Variants in DLG2 observed in about 807,000 individuals in gnomAD.
The protein encoded by DLG2 is discs large MAGUK scaffold protein 2.
In DLG2, 45 loss-of-function variants were observed where a neutral mutation model predicts 132.5. The observed-to-expected ratio is 0.34, with a 90% CI of 0.27 to 0.44. The LOEUF (loss-of-function observed/expected upper bound fraction) is 0.44, where lower values mean the gene tolerates loss of function less well. DLG2 is among the 20% of genes least tolerant of loss of function. The pLI is 1.00. For synonymous variants in DLG2, 424 were observed against 419.6 expected, an observed-to-expected ratio of 1.01 and a Z score of -0.13; for missense variants, 1,045 against 1,196.9, an observed-to-expected ratio of 0.87 and a Z score of 1.87.
intron 16 of DLG2, among the ~76,000 whole-genome samples, chr11:83,848,740 A>G (rs1424160560): frequency 6.6e-6 from 1 of 152,096 alleles, no homozygotes; most frequent in African/African-American, 2.4e-5. Flanking sequence ...TTCAATCTCA[A>G]CTTCCAATAC....
intron 3 of DLG2, among the ~76,000 whole-genome samples, chr11:85,403,195 A>G (rs1034546946): frequency 6.6e-6 from 1 of 152,162 alleles, no homozygotes; most frequent in African/African-American, 2.4e-5. Context: ...CTTTGCAGAG[A>G]CATGGATGAA....
At chr11:85,277,294 T>C (rs1312968655) in intron 4 of DLG2, among the ~76,000 whole-genome samples, 3 of 152,182 alleles carry the variant, frequency 2.0e-5, no homozygotes, top group African/African-American at 4.8e-5. Context: ...TATGAAAGCC[T>C]GAATTAGATC....
At chr11:85,222,803 T>C (rs1186472399) in intron 4 of DLG2, among the ~76,000 whole-genome samples, 1 of 152,250 alleles carries the variant, frequency 6.6e-6, no homozygotes, top group Non-Finnish European at 1.5e-5. Context: ...CTGAGATTTT[T>C]TTTTCCCGGC....
intron 19 of DLG2, among the ~76,000 whole-genome samples, chr11:83,604,191 C>G (rs565239336): frequency 1.3e-5 from 2 of 152,272 alleles, no homozygotes; most frequent in East Asian, 3.9e-4. Context: ...TGCCAAGACT[C>G]CAAATATACT....
intron 6 of DLG2, among the ~76,000 whole-genome samples, chr11:84,769,176 G>A (rs1017978309): frequency 1.3e-5 from 2 of 151,966 alleles, no homozygotes; most frequent in African/African-American, 4.8e-5. Flanking sequence ...TAAAGAATTC[G>A]AAGCATGTAT....
chr11:84,785,579 A>T (rs537622749), intron 6 of DLG2, among the ~76,000 whole-genome samples: 335 of 152,258 alleles, frequency 2.2e-3, no homozygotes, highest in Non-Finnish European at 3.5e-3. Flanking sequence ...CATTTCACTT[A>T]TTTGGTAACC....
chr11:84,973,061 G>A (rs964952253), intron 6 of DLG2, among the ~76,000 whole-genome samples: 1 of 151,442 alleles, frequency 6.6e-6, no homozygotes, highest in African/African-American at 2.4e-5. Context: ...AGGTTTAAGT[G>A]ATTCTCCTGC....
chr11:85,215,650 C>T (rs2082539402), intron 4 of DLG2, among the ~76,000 whole-genome samples: 1 of 152,128 alleles, frequency 6.6e-6, no homozygotes, highest in Non-Finnish European at 1.5e-5. Flanking sequence ...CCTTATCTTC[C>T]ATTAGTTTCC....
chr11:84,513,373 G>T (rs78214861), intron 7 of DLG2, among the ~76,000 whole-genome samples: 2,006 of 151,844 alleles, frequency 0.013, 41 homozygotes, highest in African/African-American at 0.044. Context: ...ACCCAGAATA[G>T]CCAAAACTAT....
intron 17 of DLG2, chr11:83,814,520 C>T: frequency 4.8e-6 from 1 of 209,060 alleles, no homozygotes; most frequent in Admixed American, 4.3e-5. Context: ...TGGGCCACAT[C>T]TTCAAGGGTC....
chr11:84,695,813 A>C (rs998533709), intron 6 of DLG2, among the ~76,000 whole-genome samples: 1 of 151,488 alleles, frequency 6.6e-6, no homozygotes. Flanking sequence ...TAATACATGT[A>C]GGTGTTTTGG....
intron 9 of DLG2, among the ~76,000 whole-genome samples, chr11:84,143,165 A>T (rs59782240): frequency 0.022 from 2,946 of 131,200 alleles, 75 homozygotes; most frequent in African/African-American, 0.07. Flanking sequence ...ATAAAATATG[A>T]TGCTCATTTT....
rs562504267 is a variant in DLG2 at position 84,087,669 on chromosome 11, A to G, written c.749+11254T>C. 1.7e-4 allele frequency among the ~76,000 whole-genome samples: 26 copies of G among 152,328 alleles called. 1 individual carries two copies. In the South Asian group the frequency reaches 5.4e-3, roughly 32 times the overall value. On this transcript the variant is annotated intron_variant, in intron 10 of 27. Coordinates refer to ENST00000376104, the MANE Select transcript of DLG2 (RefSeq NM_001142699.3). ...ACAGGAGTCCTTATAAAGAAGAGTT[A>G]GTAGAGTCATAGTCAATGAAGAGAT...
At chr11:83,604,211 T>A (rs2058992137) in intron 19 of DLG2, among the ~76,000 whole-genome samples, 1 of 152,234 alleles carries the variant, frequency 6.6e-6, no homozygotes, top group Non-Finnish European at 1.5e-5. Context: ...TAGAAAAATT[T>A]ATCTTCAGCA....
chr11:83,531,687 T>G (rs961281936), intron 21 of DLG2, among the ~76,000 whole-genome samples: 30 of 151,042 alleles, frequency 2.0e-4, no homozygotes, highest in African/African-American at 7.1e-4. Flanking sequence ...ACAGAAAAGT[T>G]TGTACACAAA....
At chr11:85,177,095 C>T (rs2079316794) in intron 4 of DLG2, among the ~76,000 whole-genome samples, 1 of 151,954 alleles carries the variant, frequency 6.6e-6, no homozygotes, top group Non-Finnish European at 1.5e-5. Flanking sequence ...CCCAGCAATC[C>T]CATTACTGAG....
intron 6 of DLG2, among the ~76,000 whole-genome samples, chr11:85,087,570 G>A (rs2068099368): frequency 6.6e-6 from 1 of 152,118 alleles, no homozygotes; most frequent in Non-Finnish European, 1.5e-5. Flanking sequence ...CGGGCGCGGT[G>A]GCTCACGCCT....
intron 7 of DLG2, among the ~76,000 whole-genome samples, chr11:84,477,157 A>G (rs541005391): frequency 1.3e-5 from 2 of 152,244 alleles, no homozygotes; most frequent in African/African-American, 2.4e-5. Flanking sequence ...TAGAACCACA[A>G]CTTTTACTGA....
chr11:85,366,008 A>C (rs1292243147), intron 3 of DLG2, among the ~76,000 whole-genome samples: 1 of 152,200 alleles, frequency 6.6e-6, no homozygotes, highest in African/African-American at 2.4e-5. Context: ...GCAAACCACC[A>C]TGGCACATGT....
Sources: gnomAD v4.1 joint callset for allele counts (sites outside exome capture counted in the v4.1 genomes callset) on GRCh38, gnomAD v4.1.1 for gene constraint, MANE v1.5 for transcripts, NCBI Gene and HGNC (gene_info 2026-07-23, HGNC 2026-07-21) for gene names.